GABBR2: variants seen among roughly 807,000 people sequenced by gnomAD.
GABBR2 encodes G-protein coupled receptor 51.
Under a neutral mutation model 105.6 loss-of-function variants are expected in GABBR2, and 23 were observed. That is an observed-to-expected ratio of 0.22 (90% CI 0.16 to 0.31). GABBR2 has a LOEUF of 0.31. Ranked by LOEUF, GABBR2 falls within the 10% of genes least tolerant of loss-of-function variation. The pLI is 1.00. For synonymous variants in GABBR2, 478 were observed against 499.7 expected (o/e 0.96, Z 0.58); for missense variants, 734 against 1,245.5 (o/e 0.59, Z 6.18).
At chr9:98,322,154 C>T (rs960842613) in intron 13 of GABBR2, among the ~76,000 whole-genome samples, 1 of 152,086 alleles carries the variant, frequency 6.6e-6, no homozygotes, top group Non-Finnish European at 1.5e-5. Flanking sequence ...TGGGCTGGCC[C>T]AGAGGGGGCA....
At chr9:98,686,737 T>C (rs1489162220) in intron 1 of GABBR2, among the ~76,000 whole-genome samples, 1 of 152,080 alleles carries the variant, frequency 6.6e-6, no homozygotes, top group African/African-American at 2.4e-5. Flanking sequence ...CTGGCTCCGG[T>C]TTTCTTTAAC....
At chr9:98,327,322 C>T (rs1830941254) in intron 13 of GABBR2, among the ~76,000 whole-genome samples, 1 of 152,140 alleles carries the variant, frequency 6.6e-6, no homozygotes, top group Non-Finnish European at 1.5e-5. Context: ...CTGCTGGTGT[C>T]ACTTTCTAAA....
At chr9:98,339,902 C>G (rs1244023504) in intron 13 of GABBR2, among the ~76,000 whole-genome samples, 1 of 152,142 alleles carries the variant, frequency 6.6e-6, no homozygotes, top group Non-Finnish European at 1.5e-5. Flanking sequence ...ACCTGGTTCT[C>G]TCTTTCCTTC....
intron 1 of GABBR2, among the ~76,000 whole-genome samples, chr9:98,684,195 A>AAAAAAAAT (rs1830592589): frequency 6.8e-6 from 1 of 148,012 alleles, no homozygotes; most frequent in East Asian, 2.0e-4. Context: ...AAAAAAAAAA[A>AAAAAAAAT]TTGGTTGTGG....
chr9:98,678,078 C>G (rs1482851065), intron 1 of GABBR2, among the ~76,000 whole-genome samples: 2 of 152,056 alleles, frequency 1.3e-5, no homozygotes, highest in Non-Finnish European at 1.5e-5. Context: ...ATTGATGTAC[C>G]CTCCCTCAAC....
intron 13 of GABBR2, among the ~76,000 whole-genome samples, chr9:98,350,787 T>G (rs1442998110): frequency 1.3e-5 from 2 of 152,164 alleles, no homozygotes; most frequent in Admixed American, 1.3e-4. Context: ...TTCTGACACT[T>G]CTTTGTTGAG....
At chr9:98,299,095 G>C (rs1273410206) in intron 17 of GABBR2, 129 bp downstream of exon 17, 1 of 785,910 alleles carries the variant, frequency 1.3e-6, no homozygotes, top group East Asian at 2.5e-5. Flanking sequence ...CTCCAGCTCT[G>C]TGTGTGTGAC....
chr9:98,535,723 G>GTT (rs1828164184), intron 3 of GABBR2, among the ~76,000 whole-genome samples: 3 of 152,044 alleles, frequency 2.0e-5, no homozygotes, highest in African/African-American at 7.2e-5. Flanking sequence ...ATCAAGCAAT[G>GTT]AAAAGACATG....
At chr9:98,539,321 TAGAACC>T (rs1035408140) in intron 3 of GABBR2, among the ~76,000 whole-genome samples, 169 of 152,338 alleles carry the variant, frequency 1.1e-3, no homozygotes, top group African/African-American at 3.9e-3. Context: ...TTACCCCCTT[TAGAACC>T]AGTCTGGTGG....
chr9:98,554,797 G>C (rs187407381), intron 2 of GABBR2, among the ~76,000 whole-genome samples: 119 of 152,246 alleles, frequency 7.8e-4, no homozygotes, highest in Non-Finnish European at 1.5e-3. Flanking sequence ...AAGAAGATTG[G>C]AAAACAACTA....
At chr9:98,664,241 G>C (rs189345330) in intron 1 of GABBR2, among the ~76,000 whole-genome samples, 1 of 152,272 alleles carries the variant, frequency 6.6e-6, no homozygotes, top group African/African-American at 2.4e-5. Flanking sequence ...TCCTGCTGGG[G>C]GTGGGAAGAG....
intron 13 of GABBR2, among the ~76,000 whole-genome samples, chr9:98,332,609 C>T (rs1334957816): frequency 1.3e-5 from 2 of 152,232 alleles, no homozygotes; most frequent in Non-Finnish European, 2.9e-5. Context: ...CCAAAGCACA[C>T]AGTGCAGGGG....
intron 4 of GABBR2, among the ~76,000 whole-genome samples, chr9:98,494,721 G>T (rs1377038269): frequency 2.0e-5 from 3 of 152,204 alleles, no homozygotes; most frequent in Non-Finnish European, 4.4e-5. Flanking sequence ...TCTGCACAGG[G>T]CCTGGCCTGT....
chr9:98,328,896 G>T (rs1830973759), intron 13 of GABBR2, among the ~76,000 whole-genome samples: 1 of 152,174 alleles, frequency 6.6e-6, no homozygotes, highest in South Asian at 2.1e-4. Flanking sequence ...GCCAGCTTTG[G>T]AGCCAGGCTG....
intron 3 of GABBR2, among the ~76,000 whole-genome samples, chr9:98,512,575 A>G (rs558760892): frequency 6.6e-6 from 1 of 152,356 alleles, no homozygotes; most frequent in South Asian, 2.1e-4. Flanking sequence ...TACAAAATCA[A>G]TGTACAAAAA....
rs1308601801 is a variant in GABBR2 at position 98,547,263 on chromosome 9, A to AAT, written c.460-5222_460-5221dup. Reference sequence around the variant, plus strand: ...TTTCCAACTCAGTAAAAAAAAACCTAATATATATATATAAAATGACTATGC... The same window carrying AAT: ...TTTCCAACTCAGTAAAAAAAAACCTAATATATATATATATAAAATGACTATGC... On this transcript the variant is annotated intron_variant, in intron 2 of 18. Coordinates refer to ENST00000259455, the MANE Select transcript of GABBR2 (RefSeq NM_005458.8). Among the ~76,000 whole-genome samples the AAT allele has an allele frequency of 3.4e-5, 4 of 116,374 alleles. 1 individual carries two copies. The highest frequency in any genetic ancestry group is 5.7e-5 in the Non-Finnish European group (3 of 52,668). The allele number at this position is 116,374 out of a possible 152,430, so 76.3% of individuals were successfully genotyped here.
chr9:98,488,719 GA>G (rs897018421), intron 4 of GABBR2, among the ~76,000 whole-genome samples: 1 of 152,080 alleles, frequency 6.6e-6, no homozygotes, highest in Admixed American at 6.5e-5. Context: ...GAAATGGGGG[GA>G]GACAGGTCAT....
chr9:98,607,691 T>A (rs917995746), intron 1 of GABBR2: 11 of 751,672 alleles, frequency 1.5e-5, no homozygotes, highest in Non-Finnish European at 2.7e-5. Context: ...AATATGTTGA[T>A]AAGAACACAC....
intron 2 of GABBR2, among the ~76,000 whole-genome samples, chr9:98,562,365 C>A (rs1161374168): frequency 2.0e-5 from 3 of 152,038 alleles, no homozygotes; most frequent in African/African-American, 7.2e-5. Context: ...AAATAAATTC[C>A]AATAAGGACA....
Sources: allele counts gnomAD v4.1 joint callset (sites outside exome capture counted in the v4.1 genomes callset), GRCh38; gene constraint gnomAD v4.1.1; transcripts MANE v1.5; gene names NCBI Gene and HGNC (gene_info 2026-07-23, HGNC 2026-07-21).